Variants in PINX1 observed in about 807,000 individuals in gnomAD.
PINX1 encodes PIN2 (TERF1) interacting telomerase inhibitor 1, also known as PIN2/TERF1-interacting telomerase inhibitor 1.
A neutral mutation model predicts 25.4 loss-of-function variants in PINX1; 34 were observed. The ratio of observed to expected loss-of-function variants is 1.34; its 90% CI spans 1.02 to 1.78. PINX1 has a LOEUF of 1.78. Ranked by LOEUF, PINX1 falls within the 40% of genes most tolerant of loss-of-function variation. The probability of loss-of-function intolerance (pLI) is 0.00; values close to 1 mark genes in which losing one functional copy is unlikely to be tolerated. For synonymous variants in PINX1, 197 were observed against 147.7 expected (o/e 1.33, Z -2.42); for missense variants, 592 against 404.9 (o/e 1.46, Z -3.97).
At chr8:10,838,873 G>C (rs1020189639) in intron 1 of PINX1, among the ~76,000 whole-genome samples, 1 of 152,204 alleles carries the variant, frequency 6.6e-6, no homozygotes, top group Non-Finnish European at 1.5e-5. Flanking sequence ...GATGGTGCCT[G>C]ACCCATTTCG....
At chr8:10,820,778 C>G (rs1797843445) in intron 5 of PINX1, among the ~76,000 whole-genome samples, 1 of 152,088 alleles carries the variant, frequency 6.6e-6, no homozygotes, top group Non-Finnish European at 1.5e-5. Flanking sequence ...ATTAACTCAA[C>G]AAATAAAAAT....
chr8:10,797,830 A>C (rs1302735340), intron 6 of PINX1, among the ~76,000 whole-genome samples: 1 of 152,256 alleles, frequency 6.6e-6, no homozygotes, highest in African/African-American at 2.4e-5. Context: ...GAAATGGTAC[A>C]GCAGGAACTA....
At chr8:10,836,686 T>TGGG (rs33957898) in intron 1 of PINX1, among the ~76,000 whole-genome samples, 2 of 103,372 alleles carry the variant, frequency 1.9e-5, no homozygotes, top group African/African-American at 7.5e-5. Flanking sequence ...ACAAGGATGT[T>TGGG]GGGGGGGCGG....
chr8:10,791,350 C>T (rs1801916282), intron 6 of PINX1, among the ~76,000 whole-genome samples: 1 of 152,238 alleles, frequency 6.6e-6, no homozygotes, highest in African/African-American at 2.4e-5. Flanking sequence ...CCCGTCCCTC[C>T]TCGGTGGAAG....
intron 6 of PINX1, chr8:10,787,525 T>A (rs1424297783): frequency 1.0e-5 from 2 of 198,062 alleles, no homozygotes; most frequent in East Asian, 3.0e-4. Flanking sequence ...CATGCTTGGC[T>A]GACATATCTT....
chr8:10,788,603 T>C (rs1396876907), intron 6 of PINX1, among the ~76,000 whole-genome samples: 2 of 152,082 alleles, frequency 1.3e-5, no homozygotes, highest in African/African-American at 2.4e-5. Flanking sequence ...GTATATCTAT[T>C]GGTATAATAT....
At position 10,765,293 on chromosome 8, in the gene PINX1, TGCGCCCAG is replaced by T; in HGVS notation, c.*100_*107del. On this transcript the variant is annotated 3_prime_UTR_variant, in exon 7 of 7. Coordinates refer to ENST00000314787, the MANE Select transcript of PINX1 (RefSeq NM_017884.6). ...GGCAGCCCATGGGCATGCCACAAGATGCGCCCAGGCGCTCTGGGGTGAACTCTGCTGTG... is the reference window on the plus strand; with the variant it reads ...GGCAGCCCATGGGCATGCCACAAGATGCGCTCTGGGGTGAACTCTGCTGTG... 1.6e-5 allele frequency: 17 copies of T among 1,076,518 alleles called. No homozygotes were observed. Among genetic ancestry groups the T allele is most frequent in the Non-Finnish European group, 2.2e-5 (17 of 772,522 alleles). 66.7% of individuals were successfully genotyped at this position (1,076,518 alleles called of 1,614,324 possible).
chr8:10,806,861 G>C (rs1362789230), intron 6 of PINX1, among the ~76,000 whole-genome samples: 2 of 152,148 alleles, frequency 1.3e-5, no homozygotes, highest in Non-Finnish European at 2.9e-5. Flanking sequence ...CATGGCCCCA[G>C]CGAGAGGGCT....
At position 10,799,897 on chromosome 8, in the gene PINX1, G is replaced by A. The variant is rs541370464; in HGVS notation, c.471+20296C>T. The stretch of plus-strand genomic sequence containing the variant: ...GAATAGGGAACATGTTCTCAACCAC[G>A]GTCTGAGTTAGTCCTTACTGGGCTA... On this transcript the variant is annotated intron_variant, in intron 6 of 6. Coordinates refer to ENST00000314787, the MANE Select transcript of PINX1 (RefSeq NM_017884.6). Among the ~76,000 whole-genome samples the A allele has an allele frequency of 4.6e-5, 7 of 152,256 alleles. No individual in the cohort carries two copies. In the South Asian group the frequency reaches 1.5e-3, roughly 32 times the overall value.
At position 10,839,844 on chromosome 8, in the gene PINX1, C is replaced by G. The variant is rs1047029151; in HGVS notation, c.-88G>C. On this transcript the variant is annotated 5_prime_UTR_variant, in exon 1 of 7. Transcript: ENST00000314787. ...GAGACTCCAGGAGAATCAGGACGTG[C>G]GTAACTCCCTCGCCGGCGGACTGCA... 7.7e-7 allele frequency: 1 copy of G among 1,302,570 alleles called. No individual in the cohort carries two copies. Among genetic ancestry groups the G allele is most frequent in the South Asian group, 1.3e-5 (1 of 75,804 alleles). The allele number at this position is 1,302,570 out of a possible 1,614,324, so 80.7% of individuals were successfully genotyped here. A position where few individuals can be genotyped will look rare whatever the true frequency, so the allele number is the denominator to read the frequency against.
chr8:10,769,330 C>A (rs570274486), intron 6 of PINX1, among the ~76,000 whole-genome samples: 2 of 152,354 alleles, frequency 1.3e-5, no homozygotes, highest in African/African-American at 2.4e-5. Flanking sequence ...GCAAGCCTCA[C>A]AGTCCTCTCC....
chr8:10,784,342 A>G (rs80341906), intron 6 of PINX1, among the ~76,000 whole-genome samples: 1 of 152,384 alleles, frequency 6.6e-6, no homozygotes, highest in East Asian at 1.9e-4. Context: ...GCAGGCACAC[A>G]AATCCAATCT....
At chr8:10,821,071 C>T (rs866417399) in intron 5 of PINX1, among the ~76,000 whole-genome samples, 4 of 152,312 alleles carry the variant, frequency 2.6e-5, no homozygotes, top group South Asian at 2.1e-4. Context: ...CATTTGTCAA[C>T]GGCATGGTAA....
intron 6 of PINX1, among the ~76,000 whole-genome samples, chr8:10,798,080 T>A (rs554065384): frequency 4.6e-5 from 7 of 152,238 alleles, no homozygotes; most frequent in Non-Finnish European, 8.8e-5. Context: ...GGGAGACAGA[T>A]TCCATCCTGG....
chr8:10,807,187 T>A (rs960619749), intron 6 of PINX1, among the ~76,000 whole-genome samples: 2 of 152,054 alleles, frequency 1.3e-5, no homozygotes, highest in African/African-American at 4.8e-5. Context: ...TACGGTTGTA[T>A]CCGTGAGACA....
intron 1 of PINX1, 117 bp downstream of exon 1, chr8:10,839,621 G>A (rs1563244414): frequency 1.9e-6 from 2 of 1,056,290 alleles, no homozygotes; most frequent in South Asian, 1.4e-5. Flanking sequence ...CCGGTCCCCC[G>A]ATCCCATGCG....
At chr8:10,811,151 T>C (rs1797509168) in intron 6 of PINX1, among the ~76,000 whole-genome samples, 1 of 152,238 alleles carries the variant, frequency 6.6e-6, no homozygotes, top group Non-Finnish European at 1.5e-5. Context: ...CCTCCCTGGA[T>C]CTTTTATTAT....
intron 6 of PINX1, among the ~76,000 whole-genome samples, chr8:10,788,038 T>C (rs1032006752): frequency 5.9e-5 from 9 of 152,194 alleles, no homozygotes; most frequent in Non-Finnish European, 1.3e-4. Context: ...AACAGTACTG[T>C]GACTGTGTGT....
intron 6 of PINX1, among the ~76,000 whole-genome samples, chr8:10,780,120 G>C (rs1050399683): frequency 2.6e-5 from 4 of 152,196 alleles, no homozygotes; most frequent in Non-Finnish European, 4.4e-5. Flanking sequence ...TTTTCTGGTA[G>C]TCTTTGGGGT....
Sources: gnomAD v4.1 joint callset for allele counts (sites outside exome capture counted in the v4.1 genomes callset) on GRCh38, gnomAD v4.1.1 for gene constraint, MANE v1.5 for transcripts, NCBI Gene and HGNC (gene_info 2026-07-23, HGNC 2026-07-21) for gene names.